Variants in DOCK3 observed in about 807,000 individuals in gnomAD.
DOCK3 encodes dedicator of cytokinesis 3, also known as dedicator of cytokinesis protein 3.
In DOCK3, 60 loss-of-function variants were observed where a neutral mutation model predicts 265.6. The observed-to-expected ratio is 0.23, with a 90% CI of 0.18 to 0.28. DOCK3 has a LOEUF of 0.28. Ranked by LOEUF, DOCK3 falls within the 10% of genes least tolerant of loss-of-function variation. The probability of loss-of-function intolerance (pLI) is 1.00; values close to 1 mark genes in which losing one functional copy is unlikely to be tolerated. For missense variants in DOCK3, 1,981 were observed against 2,594.3 expected (o/e 0.76, Z 5.14); for synonymous variants, 881 against 938.0 (o/e 0.94, Z 1.11).
chr3:50,864,946 T>G (rs1575394634), intron 3 of DOCK3, among the ~76,000 whole-genome samples: 2 of 152,078 alleles, frequency 1.3e-5, no homozygotes, highest in African/African-American at 2.4e-5. Flanking sequence ...CACATACATT[T>G]TAGGATTTTT....
At chr3:51,120,967 G>A (rs1576151970) in intron 9 of DOCK3, among the ~76,000 whole-genome samples, 1 of 152,282 alleles carries the variant, frequency 6.6e-6, no homozygotes, top group East Asian at 1.9e-4. Flanking sequence ...CTTTCCAGGG[G>A]AGTGAATGGT....
intron 2 of DOCK3, among the ~76,000 whole-genome samples, chr3:50,779,447 G>A (rs966722835): frequency 2.0e-5 from 3 of 151,990 alleles, no homozygotes; most frequent in Admixed American, 6.6e-5. Context: ...GCAATGGTGC[G>A]ATCTCAGCTC....
intron 1 of DOCK3, among the ~76,000 whole-genome samples, chr3:50,704,167 A>C (rs1450044851): frequency 6.6e-6 from 1 of 152,146 alleles, no homozygotes; most frequent in Non-Finnish European, 1.5e-5. Flanking sequence ...ATTTTTAAGA[A>C]TATGTTGAGG....
At chr3:51,268,214 T>A (rs2080303952) in intron 23 of DOCK3, among the ~76,000 whole-genome samples, 1 of 152,194 alleles carries the variant, frequency 6.6e-6, no homozygotes, top group Non-Finnish European at 1.5e-5. Flanking sequence ...GAAAATTTGC[T>A]TTCTTATATT....
chr3:51,006,292 A>C (rs1241597949), intron 5 of DOCK3, among the ~76,000 whole-genome samples: 4 of 86,428 alleles, frequency 4.6e-5, no homozygotes, highest in Admixed American at 4.0e-4. Flanking sequence ...TCTAAGTCAT[A>C]ATCTAGTTAT....
chr3:50,858,037 A>C (rs952464823), intron 3 of DOCK3, among the ~76,000 whole-genome samples: 3 of 152,238 alleles, frequency 2.0e-5, no homozygotes, highest in Non-Finnish European at 2.9e-5. Flanking sequence ...CCAAATGTCC[A>C]TCAATGATAG....
chr3:51,080,009 A>G (rs1468099787), intron 7 of DOCK3, among the ~76,000 whole-genome samples: 1 of 152,242 alleles, frequency 6.6e-6, no homozygotes. Flanking sequence ...ATGTTTATAC[A>G]TTCATTTCTG....
chr3:50,787,522 TA>T, intron 2 of DOCK3: 1 of 569,670 alleles, frequency 1.8e-6, no homozygotes, highest in Non-Finnish European at 3.1e-6. Context: ...GCAACAAGAG[TA>T]AAACTGTCTC....
At chr3:51,110,700 G>A (rs2083476311) in intron 9 of DOCK3, among the ~76,000 whole-genome samples, 1 of 152,084 alleles carries the variant, frequency 6.6e-6, no homozygotes, top group Admixed American at 6.5e-5. Flanking sequence ...AATAATAAGA[G>A]CCATCTATGA....
At chr3:51,122,636 A>G (rs1180582745) in intron 9 of DOCK3, among the ~76,000 whole-genome samples, 1 of 152,222 alleles carries the variant, frequency 6.6e-6, no homozygotes, top group African/African-American at 2.4e-5. Flanking sequence ...TGAGCACCCT[A>G]TGGATAGCTT....
intron 1 of DOCK3, among the ~76,000 whole-genome samples, chr3:50,762,902 T>A (rs538435503): frequency 2.6e-5 from 4 of 152,304 alleles, no homozygotes; most frequent in African/African-American, 7.2e-5. Flanking sequence ...TTCCTTTTTT[T>A]ATTTTTTTAA....
intron 27 of DOCK3, among the ~76,000 whole-genome samples, chr3:51,299,770 A>T (rs188574419): frequency 1.3e-5 from 2 of 152,176 alleles, no homozygotes; most frequent in Admixed American, 6.5e-5. Context: ...TCATTGGTCT[A>T]TGTGTTTGTT....
chr3:50,933,339 AT>A (rs1326282625), intron 4 of DOCK3, among the ~76,000 whole-genome samples: 1 of 152,146 alleles, frequency 6.6e-6, no homozygotes, highest in Non-Finnish European at 1.5e-5. Context: ...TCACTGATAA[AT>A]TTTTGACAGT....
intron 2 of DOCK3, among the ~76,000 whole-genome samples, chr3:50,811,739 T>G (rs2043770917): frequency 6.6e-6 from 1 of 152,208 alleles, no homozygotes; most frequent in Admixed American, 6.5e-5. Flanking sequence ...GTGGCTCACT[T>G]ATCTGCATGA....
intron 1 of DOCK3, among the ~76,000 whole-genome samples, chr3:50,730,993 G>C (rs991095018): frequency 6.6e-6 from 1 of 151,824 alleles, no homozygotes; most frequent in Non-Finnish European, 1.5e-5. Context: ...TTAGCTGGGC[G>C]TGGTGGTGGG....
At chr3:51,354,361 C>G (rs915623762) in intron 40 of DOCK3, among the ~76,000 whole-genome samples, 30 of 152,222 alleles carry the variant, frequency 2.0e-4, no homozygotes, top group Non-Finnish European at 1.5e-5. Flanking sequence ...TGTGATGCCT[C>G]TCTCTTTCTT....
intron 3 of DOCK3, among the ~76,000 whole-genome samples, chr3:50,847,546 A>T (rs2046140494): frequency 1.3e-5 from 2 of 152,156 alleles, no homozygotes; most frequent in African/African-American, 4.8e-5. Context: ...GTTATTTGTT[A>T]GTTTTCTGTC....
chr3:51,041,735 T>C (rs1575854638), intron 5 of DOCK3, among the ~76,000 whole-genome samples: 1 of 152,196 alleles, frequency 6.6e-6, no homozygotes, highest in African/African-American at 2.4e-5. Context: ...CTTGAAATAT[T>C]CTAGTAAACT....
rs188783391 is a variant in DOCK3 at position 51,011,262 on chromosome 3, A to G, written c.316-53186A>G. Among the ~76,000 whole-genome samples the G allele has an allele frequency of 4.6e-5, 7 of 152,326 alleles. No individual in the cohort carries two copies. The East Asian group carries it at 1.3e-3, about 29-fold the overall frequency. On this transcript the variant is annotated intron_variant, in intron 5 of 52. Coordinates refer to ENST00000266037, the MANE Select transcript of DOCK3 (RefSeq NM_004947.5). The stretch of plus-strand genomic sequence containing the variant: ...CCCGTCACTTTCAGGTATACCAATC[A>G]GACGTGTACCTGATTGGTCTTTACA...
Sources: allele counts gnomAD v4.1 joint callset (sites outside exome capture counted in the v4.1 genomes callset), GRCh38; gene constraint gnomAD v4.1.1; transcripts MANE v1.5; gene names NCBI Gene and HGNC (gene_info 2026-07-23, HGNC 2026-07-21).